GLRA1: variants seen among roughly 807,000 people sequenced by gnomAD.
The protein encoded by GLRA1 is glycine receptor subunit alpha-1.
A neutral mutation model predicts 48.3 loss-of-function variants in GLRA1; 37 were observed. That is an observed-to-expected ratio of 0.77 (90% CI 0.59 to 1.01). The LOEUF (loss-of-function observed/expected upper bound fraction) is 1.01. GLRA1 is among the 50% of genes least tolerant of loss of function. The pLI, the probability that GLRA1 is intolerant of heterozygous loss-of-function variation, is 0.00. For synonymous variants in GLRA1, 196 were observed against 210.7 expected (o/e 0.93, Z 0.60); for missense variants, 427 against 571.0 (o/e 0.75, Z 2.57).
At chr5:151,879,046 C>A (rs532631441) in intron 3 of GLRA1, among the ~76,000 whole-genome samples, 50 of 152,362 alleles carry the variant, frequency 3.3e-4, no homozygotes, top group African/African-American at 1.2e-3. Flanking sequence ...AGACACTCAA[C>A]GCTAGCCTAT....
At chr5:151,921,113 G>C (rs994286641) in intron 1 of GLRA1, among the ~76,000 whole-genome samples, 1 of 152,200 alleles carries the variant, frequency 6.6e-6, no homozygotes, top group South Asian at 2.1e-4. Flanking sequence ...GGATGGAAGA[G>C]GGAAGTAGCA....
chr5:151,923,318 A>G (rs997104941), intron 1 of GLRA1, among the ~76,000 whole-genome samples: 3 of 152,234 alleles, frequency 2.0e-5, no homozygotes, highest in Non-Finnish European at 4.4e-5. Context: ...AGCAATTCCT[A>G]TGAACTGTAA....
chr5:151,832,793 A>G (rs777540860), intron 7 of GLRA1, among the ~76,000 whole-genome samples: 20 of 152,320 alleles, frequency 1.3e-4, no homozygotes, highest in South Asian at 2.1e-4. Context: ...CGGGAAATAC[A>G]GAGAACACCA....
intron 1 of GLRA1, among the ~76,000 whole-genome samples, chr5:151,911,551 G>T (rs1292513430): frequency 6.7e-6 from 1 of 149,926 alleles, no homozygotes; most frequent in Non-Finnish European, 1.5e-5. Context: ...CACATAGCAA[G>T]TAGTATAACT....
intron 8 of GLRA1, among the ~76,000 whole-genome samples, chr5:151,823,439 G>A (rs1042736776): frequency 7.9e-5 from 12 of 152,216 alleles, no homozygotes; most frequent in Admixed American, 7.9e-4. Context: ...CAGATCCCCT[G>A]CTTTGCCTCT....
In GLRA1 at chr5:151,838,303, A is replaced by C. The variant is rs1397372080; in HGVS notation, c.913-9236T>G. ...GCCAACATGGTGAAACCTCGTCTCTACTAAAAATAGAAAAAATTAGCCAGG... is the reference window on the plus strand; with the variant it reads ...GCCAACATGGTGAAACCTCGTCTCTCCTAAAAATAGAAAAAATTAGCCAGG... On this transcript the variant is annotated intron_variant, in intron 7 of 8. Coordinates refer to ENST00000274576, the MANE Select transcript of GLRA1 (RefSeq NM_000171.4). 3.3e-5 allele frequency among the ~76,000 whole-genome samples: 5 copies of C among 152,248 alleles called. No individual in the cohort carries two copies. The East Asian group carries it at 9.7e-4, about 29-fold the overall frequency.
At chr5:151,848,811 T>TCTCCC (rs1419105904) in intron 7 of GLRA1, 2 of 446,414 alleles carry the variant, frequency 4.5e-6, no homozygotes, top group African/African-American at 4.0e-5. Context: ...TCTCCTCTCC[T>TCTCCC]CTCCTCTCCT....
At chr5:151,844,826 A>C (rs924139820) in intron 7 of GLRA1, among the ~76,000 whole-genome samples, 1 of 151,966 alleles carries the variant, frequency 6.6e-6, no homozygotes, top group Non-Finnish European at 1.5e-5. Flanking sequence ...ATAATTTATA[A>C]AGAAAAAATG....
At chr5:151,904,435 A>G (rs539344489) in intron 1 of GLRA1, among the ~76,000 whole-genome samples, 3 of 152,288 alleles carry the variant, frequency 2.0e-5, no homozygotes, top group Non-Finnish European at 2.9e-5. Flanking sequence ...ATCTGTTGCA[A>G]TTCTTCCTTG....
At chr5:151,892,626 A>G (rs781587886) in intron 1 of GLRA1, among the ~76,000 whole-genome samples, 188 bp from the exon 2 acceptor site, 1 of 152,234 alleles carries the variant, frequency 6.6e-6, no homozygotes, top group Non-Finnish European at 1.5e-5. Context: ...ATCAGCCGGC[A>G]TGGGATCCTG....
intron 3 of GLRA1, among the ~76,000 whole-genome samples, chr5:151,874,258 G>A (rs1237658482): frequency 6.6e-6 from 1 of 152,154 alleles, no homozygotes; most frequent in Non-Finnish European, 1.5e-5. Flanking sequence ...ACCTTGAGAT[G>A]AAAGACCAAT....
At chr5:151,850,623 C>T (rs1752875145) in intron 7 of GLRA1, 4 of 1,476,898 alleles carry the variant, frequency 2.7e-6, no homozygotes, top group African/African-American at 1.4e-5. Context: ...GCTGGTGTAG[C>T]CAATCGTAGT....
intron 7 of GLRA1, among the ~76,000 whole-genome samples, chr5:151,845,621 A>G (rs191596610): frequency 1.1e-3 from 169 of 152,374 alleles, no homozygotes; most frequent in African/African-American, 3.6e-3. Flanking sequence ...TGGTGGGATC[A>G]TAAAATGGTA....
chr5:151,833,842 TAAAAC>T (rs912739290), intron 7 of GLRA1, among the ~76,000 whole-genome samples: 23 of 124,710 alleles, frequency 1.8e-4, no homozygotes, highest in African/African-American at 6.6e-4. Context: ...TAGTTTCTGA[TAAAAC>T]AGACTTTAAA....
intron 3 of GLRA1, among the ~76,000 whole-genome samples, chr5:151,879,138 T>A (rs1411738501): frequency 2.0e-5 from 3 of 152,236 alleles, no homozygotes; most frequent in Non-Finnish European, 4.4e-5. Context: ...ACCCCTTGCA[T>A]CAGTGTGACC....
intron 7 of GLRA1, among the ~76,000 whole-genome samples, chr5:151,839,016 A>G (rs1763644686): frequency 6.6e-6 from 1 of 152,260 alleles, no homozygotes; most frequent in South Asian, 2.1e-4. Flanking sequence ...AGCAAAAGAG[A>G]AGCAACTCCT....
chr5:151,870,512 A>G (rs943290602), intron 3 of GLRA1, among the ~76,000 whole-genome samples: 1 of 149,932 alleles, frequency 6.7e-6, no homozygotes, highest in Non-Finnish European at 1.5e-5. Context: ...TGTAATCTCA[A>G]TGACTTAGGA....
rs758917994 is a variant in GLRA1 at position 151,860,017 on chromosome 5, A to G, written c.253-9T>C. ...ATGTTGACCCTATAGTCCTACAGCCAGGAAATAACAAGGTGAAGGCAATGT... is the reference window on the plus strand; with the variant it reads ...ATGTTGACCCTATAGTCCTACAGCCGGGAAATAACAAGGTGAAGGCAATGT... On this transcript the variant is annotated splice_polypyrimidine_tract_variant and intron_variant, in intron 3 of 8. Transcript: ENST00000274576. 6.2e-7 allele frequency: 1 copy of G among 1,606,536 alleles called. No individual in the cohort carries two copies. The highest frequency in any genetic ancestry group is 8.5e-7 in the Non-Finnish European group (1 of 1,173,378).
At chr5:151,827,660 T>G (rs983363648) in intron 8 of GLRA1, among the ~76,000 whole-genome samples, 1 of 152,180 alleles carries the variant, frequency 6.6e-6, no homozygotes, top group Non-Finnish European at 1.5e-5. Context: ...ACAACTATTT[T>G]GTTTTGTTTT....
Sources: allele counts gnomAD v4.1 joint callset (sites outside exome capture counted in the v4.1 genomes callset), GRCh38; gene constraint gnomAD v4.1.1; transcripts MANE v1.5; gene names NCBI Gene and HGNC (gene_info 2026-07-23, HGNC 2026-07-21).